PHF14: variants seen among roughly 807,000 people sequenced by gnomAD.
PHF14 encodes the protein PHD finger protein 14.
Under a neutral mutation model 117.9 loss-of-function variants are expected in PHF14, and 55 were observed. The observed-to-expected ratio is 0.47, with a 90% CI of 0.38 to 0.58. The LOEUF is 0.58. PHF14 is among the 20% of genes least tolerant of loss of function. PHF14 has a pLI of 0.00. For synonymous variants in PHF14, 409 were observed against 368.6 expected, an observed-to-expected ratio of 1.11 and a Z score of -1.26; for missense variants, 978 against 1,122.2, an observed-to-expected ratio of 0.87 and a Z score of 1.84.
intron 4 of PHF14, among the ~76,000 whole-genome samples, chr7:11,003,801 C>G (rs1397079678): frequency 6.6e-6 from 1 of 152,196 alleles, no homozygotes; most frequent in Non-Finnish European, 1.5e-5. Context: ...CTGTCTGTCT[C>G]AACTCTACTT....
At chr7:11,131,023 A>G (rs1224651575) in intron 17 of PHF14, among the ~76,000 whole-genome samples, 1 of 151,520 alleles carries the variant, frequency 6.6e-6, no homozygotes, top group African/African-American at 2.4e-5. Flanking sequence ...GTAATGTTCT[A>G]TTGTATGGAT....
Position 10,973,903 on chromosome 7 carries a change from G to A in PHF14, c.-421G>A. ...TTTTCAGAGCTGTATCCGGGTCGCT[G>A]CTTTCCCTATTGTCTGAGGCAGCCG... On this transcript the variant is annotated 5_prime_UTR_variant, in exon 1 of 18. Transcript: ENST00000634607. The A allele has an allele frequency of 5.7e-6, 1 of 174,372 alleles. No individual in the cohort carries two copies. The highest frequency in any genetic ancestry group is 1.3e-4 in the South Asian group (1 of 7,790). The allele number at this position is 174,372 out of a possible 1,614,324, so 10.8% of individuals were successfully genotyped here.
intron 16 of PHF14, among the ~76,000 whole-genome samples, chr7:11,093,980 TC>T (rs1377428721): frequency 6.6e-6 from 1 of 152,156 alleles, no homozygotes; most frequent in Non-Finnish European, 1.5e-5. Context: ...ATTACTCTGT[TC>T]CCTGTGTGGC....
chr7:10,997,913 C>A (rs1013630680), intron 4 of PHF14, among the ~76,000 whole-genome samples: 3 of 152,070 alleles, frequency 2.0e-5, no homozygotes, highest in African/African-American at 7.2e-5. Flanking sequence ...ACAAGCCAAC[C>A]CTAGTCAGAT....
chr7:11,064,693 A>G (rs1785364691), intron 16 of PHF14, among the ~76,000 whole-genome samples: 1 of 152,036 alleles, frequency 6.6e-6, no homozygotes, highest in Non-Finnish European at 1.5e-5. Flanking sequence ...ATTTATATGT[A>G]TAATTTTTTA....
chr7:11,068,349 C>CAAAAAAAA (rs10659513), intron 16 of PHF14, among the ~76,000 whole-genome samples: 2 of 66,742 alleles, frequency 3.0e-5, no homozygotes, highest in Admixed American at 2.0e-4. Flanking sequence ...GACTCCGTCT[C>CAAAAAAAA]AAAAAAAAAA....
chr7:11,021,246 A>G (rs533318139), intron 5 of PHF14, among the ~76,000 whole-genome samples: 22 of 152,312 alleles, frequency 1.4e-4, no homozygotes, highest in African/African-American at 5.3e-4. Flanking sequence ...CCCAGTCAGC[A>G]TCTGTCATAA....
intron 17 of PHF14, among the ~76,000 whole-genome samples, chr7:11,160,003 C>G (rs899845236): frequency 4.6e-5 from 7 of 152,022 alleles, no homozygotes; most frequent in African/African-American, 1.7e-4. Context: ...GGGTGTGATT[C>G]ATCCCATCAC....
At chr7:11,020,112 G>A (rs61011519) in intron 5 of PHF14, among the ~76,000 whole-genome samples, 3,943 of 151,692 alleles carry the variant, frequency 0.026, 137 homozygotes, top group East Asian at 0.1. Context: ...CCAATCAGAC[G>A]GGGCCTGGCT....
intron 7 of PHF14, among the ~76,000 whole-genome samples, chr7:11,034,313 C>T (rs762588143): frequency 2.5e-4 from 38 of 152,038 alleles, no homozygotes; most frequent in Non-Finnish European, 3.8e-4. Flanking sequence ...AAAGAATGAA[C>T]AGCCTGTTGT....
At chr7:11,133,768 A>G (rs905251419) in intron 17 of PHF14, among the ~76,000 whole-genome samples, 4 of 152,022 alleles carry the variant, frequency 2.6e-5, no homozygotes, top group Admixed American at 2.0e-4. Context: ...ACATCTTTAT[A>G]TTATATTGCA....
At chr7:10,974,376 A>G in intron 1 of PHF14, 52 bp downstream of exon 1, 9 of 1,516,270 alleles carry the variant, frequency 5.9e-6, no homozygotes, top group Non-Finnish European at 8.1e-6. Flanking sequence ...GCCATTCTAG[A>G]AGTCAGGGCC....
intron 17 of PHF14, among the ~76,000 whole-genome samples, chr7:11,124,015 A>T (rs1426743276): frequency 6.6e-6 from 1 of 151,916 alleles, no homozygotes; most frequent in Non-Finnish European, 1.5e-5. Flanking sequence ...TTTAAAAAAT[A>T]CATGCCTCTC....
chr7:11,141,152 C>A (rs998843018), intron 17 of PHF14, among the ~76,000 whole-genome samples: 1 of 152,074 alleles, frequency 6.6e-6, no homozygotes, highest in Non-Finnish European at 1.5e-5. Context: ...AGGAAAATAT[C>A]AATCCAGTTA....
In PHF14 at chr7:11,013,948, A is replaced by G. The variant is rs148109020; in HGVS notation, c.1205+42A>G. ...TGTTGGTTCATATGTTTGCTTTATA[A>G]TGTGTCTGCCTTTGACTTCCCTGTT... is the stretch of plus-strand genomic sequence containing the variant. On this transcript the variant is annotated intron_variant, in intron 5 of 17. Transcript: ENST00000634607. 6.6e-5 allele frequency: 93 copies of G among 1,401,882 alleles called. No individual in the cohort carries two copies. The East Asian group carries it at 2.1e-3, about 32-fold the overall frequency. 86.8% of individuals were successfully genotyped at this position (1,401,882 alleles called of 1,614,324 possible).
chr7:11,072,822 A>C (rs1389891315), intron 16 of PHF14, among the ~76,000 whole-genome samples: 1 of 152,236 alleles, frequency 6.6e-6, no homozygotes, highest in Non-Finnish European at 1.5e-5. Flanking sequence ...ACTTACAATC[A>C]TGGTGGAAGG....
chr7:11,037,104 C>T lies in PHF14; in HGVS notation c.1980+13C>T. ...AGAATATAATAAGGTAAGTTAGCTA[C>T]AAAATATGCAACATAATGTGATAGA... On this transcript the variant is annotated intron_variant, in intron 10 of 17. Transcript: ENST00000634607. The T allele has an allele frequency of 2.0e-6, 3 of 1,467,880 alleles. No homozygotes were observed. The highest frequency in any genetic ancestry group is 2.8e-6 in the Non-Finnish European group (3 of 1,088,436). The allele number at this position is 1,467,880 out of a possible 1,614,324, so 90.9% of individuals were successfully genotyped here.
At chr7:11,038,450 T>C (rs1301545831) in intron 10 of PHF14, among the ~76,000 whole-genome samples, 2 of 130,052 alleles carry the variant, frequency 1.5e-5, no homozygotes, top group Non-Finnish European at 3.3e-5. Context: ...AAAAAAAAAA[T>C]AGATCGAGAC....
At chr7:11,007,677 A>C (rs1278911016) in intron 4 of PHF14, among the ~76,000 whole-genome samples, 1 of 152,212 alleles carries the variant, frequency 6.6e-6, no homozygotes, top group African/African-American at 2.4e-5. Context: ...ATAATACATG[A>C]ATATTAAATA....
Sources: gnomAD v4.1 joint callset for allele counts (sites outside exome capture counted in the v4.1 genomes callset) on GRCh38, gnomAD v4.1.1 for gene constraint, MANE v1.5 for transcripts, NCBI Gene and HGNC (gene_info 2026-07-23, HGNC 2026-07-21) for gene names.